The following BCOR variants were observed in gnomAD, a reference collection of about 807,000 sequenced individuals.
BCOR encodes the protein BCL6 corepressor, also known as BCL-6 corepressor.
Under a neutral mutation model 86.7 loss-of-function variants are expected in BCOR, and 10 were observed. The ratio of observed to expected loss-of-function variants is 0.12; its 90% CI spans 0.07 to 0.20. The LOEUF (loss-of-function observed/expected upper bound fraction) is 0.20. Ranked by LOEUF, BCOR falls within the 10% of genes least tolerant of loss-of-function variation. The pLI is 1.00. For missense variants in BCOR, 1,259 were observed against 1,452.1 expected (o/e 0.87, Z 2.16); for synonymous variants, 611 against 609.0 (o/e 1.00, Z -0.05).
intron 1 of BCOR, among the ~76,000 whole-genome samples, chrX:40,158,220 G>A (rs1938337043): frequency 8.9e-6 from 1 of 112,568 alleles, no homozygotes; most frequent in Non-Finnish European, 1.9e-5. Context: ...GGCCCTCGGG[G>A]TCCCCGTGGG....
Position 40,077,912 on chromosome X carries a change from G to A in BCOR, c.18C>T (p.Pro6=), listed in dbSNP as rs370977455. 9.1e-6 allele frequency: 11 copies of A among 1,210,252 alleles called. No individual in the cohort carries two copies. Among genetic ancestry groups the A allele is most frequent in the East Asian group, 3.0e-5 (1 of 33,812 alleles). Residue 6 remains proline (P), a synonymous_variant, in exon 2 of 15, where the codon CCC becomes CCT. Transcript: ENST00000378444. MLSAT[P]LYGNVHSWMN... Reference sequence around the variant, plus strand: ...TCCAGCTGTGAACGTTCCCATACAGGGGGGTTGCTGAGAGCATGTCGTCTT... The same window carrying A: ...TCCAGCTGTGAACGTTCCCATACAGAGGGGTTGCTGAGAGCATGTCGTCTT...
At chrX:40,066,713 G>A (rs749625408) in intron 6 of BCOR, among the ~76,000 whole-genome samples, 43 of 111,732 alleles carry the variant, frequency 3.8e-4, no homozygotes, top group Non-Finnish European at 7.0e-4. Context: ...GTTACGAAGC[G>A]CCACATGCAA....
chrX:40,071,056 T>G lies in BCOR; in HGVS notation c.3155A>C (p.Glu1052Ala), dbSNP rs1390961815. ...EMCKFSPADW[E>A]RLKGNQDKKP... ...TTTGTCCTGATTTCCTTTCAACCTT[T>G]CCCAGTCGGCTGGGCTGAATTTGCA... Residue 1052 changes from glutamate to alanine, a missense_variant, in exon 6 of 15, where the codon GAA becomes GCA. By Grantham distance (107) the Glu-to-Ala change is moderately radical. Around this residue, in one of 7 missense-constraint regions of BCOR, gnomAD observed 56 missense variants for 106.6 expected, o/e 0.53. Coordinates refer to ENST00000378444, the MANE Select transcript of BCOR (RefSeq NM_001123385.2). The G allele has an allele frequency of 3.3e-6, 4 of 1,209,492 alleles. No individual in the cohort carries two copies. The highest frequency in any genetic ancestry group is 1.8e-5 in the African/African-American group (1 of 57,037).
rs1938109342 is a variant in BCOR at position 40,148,609 on chromosome X, C to A, written c.-41+28398G>T. 2.7e-5 allele frequency among the ~76,000 whole-genome samples: 3 copies of A among 111,464 alleles called. No homozygotes were observed. In the South Asian group the frequency reaches 1.1e-3, roughly 42 times the overall value. On this transcript the variant is annotated intron_variant, in intron 1 of 14. Transcript: ENST00000342274. ...GAAGGCAGCCAGGAGACACAGCCTG[C>A]AGGAGAGAGGGAGTATAAAGGGAAA...
chrX:40,139,434 A>T (rs1403388204), intron 1 of BCOR, among the ~76,000 whole-genome samples: 2 of 19,475 alleles, frequency 1.0e-4, no homozygotes, highest in Admixed American at 9.3e-4. Context: ...ACATATATAT[A>T]TATATATATA....
intron 1 of BCOR, among the ~76,000 whole-genome samples, chrX:40,121,014 C>A (rs192726554): frequency 1.3e-4 from 14 of 111,358 alleles, no homozygotes; most frequent in Admixed American, 7.6e-4. Flanking sequence ...AGTGCAAAGG[C>A]CCTGTGGTAG....
At chrX:40,152,563 G>A (rs1289443527) in intron 1 of BCOR, among the ~76,000 whole-genome samples, 5 of 112,967 alleles carry the variant, frequency 4.4e-5, no homozygotes, top group African/African-American at 1.6e-4. Context: ...CTCCCCGCCC[G>A]GGCTGGGAAC....
At chrX:40,078,075 G>C in intron 1 of BCOR, 106 bp from the exon 2 acceptor site, 1 of 525,991 alleles carries the variant, frequency 1.9e-6, no homozygotes, top group Non-Finnish European at 3.3e-6. Flanking sequence ...ATGCAGATGG[G>C]GAAGGCAGGC....
intron 1 of BCOR, among the ~76,000 whole-genome samples, chrX:40,140,641 C>T (rs760662960): frequency 1.7e-4 from 19 of 112,481 alleles, no homozygotes; most frequent in African/African-American, 5.8e-4. Flanking sequence ...TCTTGTTAAC[C>T]GGGGGTTTCC....
At chrX:40,084,307 C>T (rs1368851526) in intron 1 of BCOR, among the ~76,000 whole-genome samples, 1 of 112,182 alleles carries the variant, frequency 8.9e-6, no homozygotes, top group Non-Finnish European at 1.9e-5. Context: ...GGGACACTTG[C>T]CCGTCTCCCC....
chrX:40,058,249 A>C (rs1215551043), intron 10 of BCOR, among the ~76,000 whole-genome samples: 1 of 112,470 alleles, frequency 8.9e-6, no homozygotes, highest in Non-Finnish European at 1.9e-5. Context: ...GCAGAGCAGT[A>C]ATTTAGTCCA....
chrX:40,104,636 G>C (rs2147798144), intron 1 of BCOR, among the ~76,000 whole-genome samples: 1 of 110,943 alleles, frequency 9.0e-6, no homozygotes, highest in South Asian at 3.8e-4. Context: ...CCCCCGACCG[G>C]GTCGGCACCG....
intron 1 of BCOR, among the ~76,000 whole-genome samples, chrX:40,176,190 G>A (rs1006681155): frequency 8.8e-6 from 1 of 113,056 alleles, no homozygotes; most frequent in Non-Finnish European, 1.9e-5. Context: ...ACTCCCTTCC[G>A]CCTTGCGGTC....
chrX:40,064,691 AGGTAATCTGCTATTG>A, intron 6 of BCOR, 92 bp from the exon 7 acceptor site: 1 of 1,015,141 alleles, frequency 9.9e-7, no homozygotes. Context: ...ACCATGCCCA[AGGTAATCTGCTATTG>A]ACAGCTGCTT....
At chrX:40,110,990 G>C (rs1441114747) in intron 1 of BCOR, among the ~76,000 whole-genome samples, 1 of 110,269 alleles carries the variant, frequency 9.1e-6, no homozygotes, top group Non-Finnish European at 1.9e-5. Context: ...TGGGATTACA[G>C]GCGTGAGCCA....
chrX:40,118,026 C>G (rs1416170674), intron 1 of BCOR, among the ~76,000 whole-genome samples: 1 of 90,044 alleles, frequency 1.1e-5, no homozygotes, highest in Non-Finnish European at 2.1e-5. Flanking sequence ...TGTCTTCTCT[C>G]TAACACACCA....
At chrX:40,170,638 G>A (rs1488096585) in intron 1 of BCOR, among the ~76,000 whole-genome samples, 1 of 111,801 alleles carries the variant, frequency 8.9e-6, no homozygotes, top group Non-Finnish European at 1.9e-5. Flanking sequence ...GTGAGCCACC[G>A]CGCCCAGCCT....
intron 1 of BCOR, among the ~76,000 whole-genome samples, chrX:40,165,304 G>C (rs1009584510): frequency 1.2e-4 from 13 of 111,948 alleles, no homozygotes; most frequent in Non-Finnish European, 1.9e-5. Flanking sequence ...AATGCCAGAG[G>C]ATGAACCCGC....
At chrX:40,137,610 A>G (rs1167334819) in intron 1 of BCOR, among the ~76,000 whole-genome samples, 1 of 110,783 alleles carries the variant, frequency 9.0e-6, no homozygotes, top group Non-Finnish European at 1.9e-5. Flanking sequence ...AAATTCCTTT[A>G]TCTTTCCCCA....
Sources: allele counts gnomAD v4.1 joint callset (sites outside exome capture counted in the v4.1 genomes callset), GRCh38; gene constraint gnomAD v4.1.1; regional missense constraint gnomAD v4.1.1; transcripts MANE v1.5; gene names NCBI Gene and HGNC (gene_info 2026-07-23, HGNC 2026-07-21).